The following PLEKHA5 variants were observed in gnomAD, a reference collection of about 807,000 sequenced individuals.
PLEKHA5 encodes the protein pleckstrin homology domain-containing family A member 5.
PLEKHA5 carries 55 observed loss-of-function variants against 181.9 expected under a neutral mutation model. The ratio of observed to expected loss-of-function variants is 0.30; its 90% CI spans 0.24 to 0.38. PLEKHA5 has a LOEUF of 0.38. Ranked by LOEUF, PLEKHA5 falls within the 10% of genes least tolerant of loss-of-function variation. The pLI, the probability that PLEKHA5 is intolerant of heterozygous loss-of-function variation, is 1.00. For synonymous variants in PLEKHA5, 535 were observed against 529.4 expected (o/e 1.01, Z -0.15); for missense variants, 1,432 against 1,549.5 (o/e 0.92, Z 1.27).
chr12:19,301,243 C>T (rs1051744265), intron 15 of PLEKHA5, among the ~76,000 whole-genome samples: 1 of 152,130 alleles, frequency 6.6e-6, no homozygotes, highest in African/African-American at 2.4e-5. Context: ...AAGATTTTCA[C>T]TTCAGGAATG....
chr12:19,215,468 G>C (rs1486093722), intron 3 of PLEKHA5, among the ~76,000 whole-genome samples: 1 of 152,096 alleles, frequency 6.6e-6, no homozygotes, highest in Non-Finnish European at 1.5e-5. Flanking sequence ...TTATCCTCAT[G>C]TGTGTGGAGG....
At chr12:19,134,129 G>T (rs1302809374) in intron 3 of PLEKHA5, among the ~76,000 whole-genome samples, 2 of 151,982 alleles carry the variant, frequency 1.3e-5, no homozygotes, top group East Asian at 1.9e-4. Flanking sequence ...TTCTGTGTGG[G>T]CTGAGTATGT....
chr12:19,199,296 C>G (rs1464311807), intron 3 of PLEKHA5, among the ~76,000 whole-genome samples: 1 of 151,828 alleles, frequency 6.6e-6, no homozygotes, highest in Non-Finnish European at 1.5e-5. Context: ...GAAAAAATGC[C>G]TTCTGTAGAT....
intron 20 of PLEKHA5, among the ~76,000 whole-genome samples, chr12:19,335,030 G>GTTT (rs11461419): frequency 5.4e-5 from 5 of 92,612 alleles, no homozygotes; most frequent in Non-Finnish European, 9.8e-5. Context: ...TCAGTTTTTT[G>GTTT]TTTTTTTTTT....
intron 6 of PLEKHA5, among the ~76,000 whole-genome samples, chr12:19,259,916 A>G (rs764277595): frequency 2.0e-5 from 3 of 151,976 alleles, no homozygotes; most frequent in African/African-American, 7.2e-5. Flanking sequence ...CTAGAAATAA[A>G]TTTAGAAATA....
At chr12:19,168,124 C>G (rs1371738217) in intron 3 of PLEKHA5, among the ~76,000 whole-genome samples, 1 of 152,110 alleles carries the variant, frequency 6.6e-6, no homozygotes, top group African/African-American at 2.4e-5. Context: ...CATAAGATTT[C>G]AAGTCATAAA....
At chr12:19,292,897 C>G (rs1449241813) in intron 15 of PLEKHA5, among the ~76,000 whole-genome samples, 3 of 152,118 alleles carry the variant, frequency 2.0e-5, no homozygotes, top group South Asian at 2.1e-4. Context: ...CAAGATCACA[C>G]CACTGCACTC....
chr12:19,247,820 A>G (rs894368971), intron 3 of PLEKHA5, among the ~76,000 whole-genome samples: 3 of 151,864 alleles, frequency 2.0e-5, no homozygotes, highest in African/African-American at 4.8e-5. Context: ...GTAGAGCATA[A>G]TCATCAAGTT....
intron 3 of PLEKHA5, chr12:19,152,918 A>T (rs1386172961): frequency 1.3e-5 from 2 of 152,060 alleles, no homozygotes; most frequent in Non-Finnish European, 2.9e-5. Context: ...TTACCTTCAC[A>T]TTCCAAGAGA....
At chr12:19,300,478 C>T (rs774792391) in intron 15 of PLEKHA5, among the ~76,000 whole-genome samples, 1 of 152,132 alleles carries the variant, frequency 6.6e-6, no homozygotes, top group Non-Finnish European at 1.5e-5. Context: ...TTATACCAGG[C>T]TTTGCTTCTG....
At chr12:19,295,302 A>G (rs1413278158) in intron 15 of PLEKHA5, among the ~76,000 whole-genome samples, 1 of 152,224 alleles carries the variant, frequency 6.6e-6, no homozygotes, top group East Asian at 1.9e-4. Flanking sequence ...CCTAAAATGC[A>G]TGTACTGAAT....
At chr12:19,226,380 T>C (rs1444956992) in intron 3 of PLEKHA5, among the ~76,000 whole-genome samples, 5 of 152,212 alleles carry the variant, frequency 3.3e-5, no homozygotes, top group African/African-American at 1.2e-4. Context: ...TTGGCTATTA[T>C]GAATAGTATT....
intron 6 of PLEKHA5, among the ~76,000 whole-genome samples, chr12:19,260,322 A>C (rs2068084934): frequency 6.6e-6 from 1 of 152,212 alleles, no homozygotes; most frequent in African/African-American, 2.4e-5. Context: ...GCACTGCTGC[A>C]TGGTTACATT....
chr12:19,374,484 C>A (rs956784321), intron 31 of PLEKHA5, among the ~76,000 whole-genome samples: 2 of 149,356 alleles, frequency 1.3e-5, no homozygotes, highest in Non-Finnish European at 3.0e-5. Flanking sequence ...ATGGTTGAAA[C>A]TCCGTCTCTA....
At chr12:19,151,864 C>CTTTTTTT (rs35317127) in intron 3 of PLEKHA5, 1 of 98,432 alleles carries the variant, frequency 1.0e-5, no homozygotes, top group Admixed American at 1.1e-4. Context: ...TTTGGTCATA[C>CTTTTTTT]TTTTTTTTTT....
intron 3 of PLEKHA5, among the ~76,000 whole-genome samples, chr12:19,168,115 A>G (rs146447749): frequency 6.6e-6 from 1 of 152,214 alleles, no homozygotes; most frequent in African/African-American, 2.4e-5. Context: ...CTTTCAAAAC[A>G]TAAGATTTCA....
intron 3 of PLEKHA5, among the ~76,000 whole-genome samples, chr12:19,141,352 C>T (rs987678539): frequency 3.3e-5 from 5 of 152,180 alleles, no homozygotes; most frequent in Non-Finnish European, 7.3e-5. Context: ...CAGACATTGG[C>T]CTGCTAGTCT....
intron 3 of PLEKHA5, among the ~76,000 whole-genome samples, chr12:19,218,466 C>G (rs1249572034): frequency 6.6e-6 from 1 of 152,078 alleles, no homozygotes; most frequent in East Asian, 1.9e-4. Flanking sequence ...ATGCTAAACT[C>G]TTGAATAGAT....
At chr12:19,193,883 G>T (rs2051901163) in intron 3 of PLEKHA5, among the ~76,000 whole-genome samples, 1 of 152,166 alleles carries the variant, frequency 6.6e-6, no homozygotes, top group Non-Finnish European at 1.5e-5. Context: ...GTGGGAGCAG[G>T]CATGTCACAG....
Sources: allele counts gnomAD v4.1 joint callset (sites outside exome capture counted in the v4.1 genomes callset), GRCh38; gene constraint gnomAD v4.1.1; transcripts MANE v1.5; gene names NCBI Gene and HGNC (gene_info 2026-07-23, HGNC 2026-07-21).